DMD: variants seen among roughly 807,000 people sequenced by gnomAD.
DMD encodes dystrophin.
DMD carries 63 observed loss-of-function variants against 330.1 expected under a neutral mutation model. That is an observed-to-expected ratio of 0.19 (90% CI 0.16 to 0.24). The LOEUF (loss-of-function observed/expected upper bound fraction) is 0.24. Ranked by LOEUF, DMD falls within the 10% of genes least tolerant of loss-of-function variation. DMD has a pLI of 1.00. For synonymous variants in DMD, 1,223 were observed against 959.8 expected (o/e 1.27, Z -5.07); for missense variants, 3,344 against 2,684.1 (o/e 1.25, Z -5.43).
At chrX:32,685,323 A>C (rs1427554658) in intron 9 of DMD, among the ~76,000 whole-genome samples, 1 of 111,842 alleles carries the variant, frequency 8.9e-6, no homozygotes. Flanking sequence ...TTCAGGTATT[A>C]TAAAGTAAAT....
chrX:32,364,735 G>A (rs1385579720), intron 35 of DMD, 25 bp from the exon 36 acceptor site: 1 of 1,196,775 alleles, frequency 8.4e-7, no homozygotes, highest in Non-Finnish European at 1.1e-6. Flanking sequence ...GACATACCAT[G>A]GCATTATTGG....
intron 29 of DMD, among the ~76,000 whole-genome samples, chrX:32,426,308 A>C (rs772424756): frequency 1.8e-5 from 2 of 112,096 alleles, no homozygotes; most frequent in African/African-American, 6.5e-5. Context: ...ACTCCATTAA[A>C]AATGGGCAAA....
chrX:32,726,621 C>A (rs1460564220), intron 7 of DMD, among the ~76,000 whole-genome samples: 2 of 110,778 alleles, frequency 1.8e-5, no homozygotes, highest in Non-Finnish European at 3.8e-5. Context: ...TAACAGATCA[C>A]CTTTAAGTCT....
At chrX:32,062,170 G>A (rs1224784375) in intron 44 of DMD, among the ~76,000 whole-genome samples, 1 of 110,718 alleles carries the variant, frequency 9.0e-6, no homozygotes, top group Non-Finnish European at 1.9e-5. Context: ...ATAAGGTCTG[G>A]CTTCGTATCA....
At chrX:31,737,651 C>T (rs188491996) in intron 51 of DMD, among the ~76,000 whole-genome samples, 1 of 112,235 alleles carries the variant, frequency 8.9e-6, no homozygotes, top group Admixed American at 9.5e-5. Context: ...TATTGGTCAA[C>T]CTCCTAGGGT....
intron 54 of DMD, among the ~76,000 whole-genome samples, chrX:31,634,052 T>C (rs1225398824): frequency 1.8e-5 from 2 of 112,435 alleles, no homozygotes; most frequent in Non-Finnish European, 3.8e-5. Context: ...GAAGATTATG[T>C]CACTGAATCC....
intron 2 of DMD, among the ~76,000 whole-genome samples, chrX:32,923,312 A>G (rs1303367780): frequency 9.0e-6 from 1 of 111,509 alleles, no homozygotes; most frequent in Non-Finnish European, 1.9e-5. Context: ...TGTAATCTCA[A>G]TACTTTGGGA....
intron 60 of DMD, among the ~76,000 whole-genome samples, chrX:31,360,320 C>T (rs2058870575): frequency 8.9e-6 from 1 of 111,753 alleles, no homozygotes. Context: ...ATTTAAAAAT[C>T]AAGTCTCTCT....
chrX:31,421,123 G>T (rs887525114), intron 60 of DMD, among the ~76,000 whole-genome samples: 2 of 112,237 alleles, frequency 1.8e-5, no homozygotes, highest in African/African-American at 6.5e-5. Context: ...TGACAGTGCA[G>T]TGGAAAAACT....
intron 47 of DMD, among the ~76,000 whole-genome samples, chrX:31,905,116 T>A (rs927658182): frequency 1.8e-5 from 2 of 111,633 alleles, no homozygotes; most frequent in African/African-American, 6.5e-5. Context: ...CCATTAAGGT[T>A]TCATGCACCC....
chrX:31,974,179 A>G lies in DMD; in HGVS notation c.6439-5665T>C, dbSNP rs756818699. Among the ~76,000 whole-genome samples the G allele has an allele frequency of 2.7e-5, 3 of 111,915 alleles. No individual in the cohort carries two copies. The East Asian group carries it at 8.5e-4, about 32-fold the overall frequency. Reference sequence around the variant, plus strand: ...CGCAGGAACAGGAAAAACAAACACTATATGTTCTCACTTATAAGTGGGAGC... The same window carrying G: ...CGCAGGAACAGGAAAAACAAACACTGTATGTTCTCACTTATAAGTGGGAGC... On this transcript the variant is annotated intron_variant, in intron 44 of 78. Transcript: ENST00000357033.
chrX:32,667,767 GTT>G (rs201162726), intron 9 of DMD, among the ~76,000 whole-genome samples: 221 of 81,639 alleles, frequency 2.7e-3, no homozygotes, highest in East Asian at 4.5e-3. Context: ...CTGCTTTTGT[GTT>G]TTTTTTTTTT....
chrX:31,336,682 G>C (rs1217439272), intron 61 of DMD, among the ~76,000 whole-genome samples: 1 of 111,684 alleles, frequency 9.0e-6, no homozygotes, highest in African/African-American at 3.3e-5. Flanking sequence ...TGGAGAGCTT[G>C]AATGTAATAC....
At chrX:32,760,123 C>T (rs1379359189) in intron 7 of DMD, among the ~76,000 whole-genome samples, 2 of 111,770 alleles carry the variant, frequency 1.8e-5, no homozygotes, top group Admixed American at 1.9e-4. Flanking sequence ...AAAATCCCCC[C>T]AACTATTACT....
chrX:32,878,036 C>T lies in DMD; in HGVS notation c.94-28216G>A, dbSNP rs1396571697. On this transcript the variant is annotated intron_variant, in intron 2 of 78. Transcript: ENST00000357033. ...ACCAAAACCCAACCTGAAACATAAGCATTCCTCTAATTACAGTAATAAAGG... is the reference window on the plus strand; with the variant it reads ...ACCAAAACCCAACCTGAAACATAAGTATTCCTCTAATTACAGTAATAAAGG... Among the ~76,000 whole-genome samples, 6 of 112,374 alleles carry T rather than the reference C, an allele frequency of 5.3e-5. No individual in the cohort carries two copies. In the South Asian group the frequency reaches 2.2e-3, roughly 41 times the overall value.
At chrX:31,835,122 T>C (rs888270707) in intron 49 of DMD, among the ~76,000 whole-genome samples, 2 of 112,050 alleles carry the variant, frequency 1.8e-5, no homozygotes, top group Non-Finnish European at 3.8e-5. Context: ...TGGATTGTTT[T>C]ATACATAATG....
At chrX:31,590,681 A>C (rs1429221889) in intron 55 of DMD, among the ~76,000 whole-genome samples, 1 of 111,647 alleles carries the variant, frequency 9.0e-6, no homozygotes, top group African/African-American at 3.2e-5. Flanking sequence ...GGGGTGATAA[A>C]TGACTACAGT....
At chrX:32,644,804 C>G (rs1391226730) in intron 10 of DMD, among the ~76,000 whole-genome samples, 160 bp downstream of exon 10, 1 of 111,752 alleles carries the variant, frequency 8.9e-6, no homozygotes, top group Non-Finnish European at 1.9e-5. Context: ...TGGTTGCTCT[C>G]CAAAAGAAAA....
intron 2 of DMD, among the ~76,000 whole-genome samples, chrX:32,951,329 C>T (rs112118258): frequency 0.029 from 3,194 of 111,326 alleles, 113 homozygotes; most frequent in African/African-American, 0.1. Flanking sequence ...CCTACAGACT[C>T]TGTCCGAGCA....
Sources: gnomAD v4.1 joint callset for allele counts (sites outside exome capture counted in the v4.1 genomes callset) on GRCh38, gnomAD v4.1.1 for gene constraint, MANE v1.5 for transcripts, NCBI Gene and HGNC (gene_info 2026-07-23, HGNC 2026-07-21) for gene names.